Variants in CCSER1 observed in about 807,000 individuals in gnomAD.
CCSER1 encodes the protein serine-rich coiled-coil domain-containing protein 1.
In CCSER1, 41 loss-of-function variants were observed where a neutral mutation model predicts 82.0. That is an observed-to-expected ratio of 0.50 (90% CI 0.39 to 0.65). The LOEUF is 0.65. CCSER1 is among the 30% of genes least tolerant of loss of function. CCSER1 has a pLI of 0.00. For synonymous variants in CCSER1, 414 were observed against 383.9 expected (o/e 1.08, Z -0.92); for missense variants, 1,119 against 1,064.2 (o/e 1.05, Z -0.72).
In CCSER1 at chr4:91,326,464, A is replaced by T. The variant is rs143394817; in HGVS notation, c.2217+240470A>T. ...AACAGTAAGGGGGAAATCTGCCTTC[A>T]TGATCCAATCACCTCCCACCAGGCC... On this transcript the variant is annotated intron_variant, in intron 10 of 10. Coordinates refer to ENST00000509176, the MANE Select transcript of CCSER1 (RefSeq NM_001145065.2). Among the ~76,000 whole-genome samples the T allele has an allele frequency of 3.5e-4, 54 of 152,276 alleles. No individual in the cohort carries two copies. The East Asian group carries it at 0.01, about 29-fold the overall frequency.
At chr4:90,809,311 T>TACACACACAC (rs56677479) in intron 7 of CCSER1, among the ~76,000 whole-genome samples, 1 of 148,250 alleles carries the variant, frequency 6.7e-6, no homozygotes, top group Non-Finnish European at 1.5e-5. Flanking sequence ...AGCAAGATCA[T>TACACACACAC]ACACACACAC....
At chr4:90,864,360 A>G (rs903945284) in intron 8 of CCSER1, among the ~76,000 whole-genome samples, 2 of 152,024 alleles carry the variant, frequency 1.3e-5, no homozygotes, top group African/African-American at 4.8e-5. Flanking sequence ...AACAGTGTTG[A>G]CAGGTGGGAC....
intron 6 of CCSER1, among the ~76,000 whole-genome samples, chr4:90,703,988 T>C (rs1255075522): frequency 6.6e-6 from 1 of 152,200 alleles, no homozygotes; most frequent in Non-Finnish European, 1.5e-5. Flanking sequence ...AGGTTAGTAT[T>C]GTTATGTGTG....
intron 10 of CCSER1, among the ~76,000 whole-genome samples, chr4:91,443,067 A>C (rs1241420859): frequency 6.6e-6 from 1 of 152,162 alleles, no homozygotes; most frequent in East Asian, 1.9e-4. Flanking sequence ...CAGTGTGGTG[A>C]TTCCTCAGGG....
chr4:90,408,581 T>G (rs1754136357), intron 4 of CCSER1, among the ~76,000 whole-genome samples: 1 of 152,180 alleles, frequency 6.6e-6, no homozygotes, highest in South Asian at 2.1e-4. Flanking sequence ...TCCTGACTGC[T>G]AGAAGGAAAA....
At chr4:90,762,121 C>T (rs1750493263) in intron 7 of CCSER1, among the ~76,000 whole-genome samples, 1 of 152,098 alleles carries the variant, frequency 6.6e-6, no homozygotes, top group Admixed American at 6.6e-5. Context: ...TTCCCATAAT[C>T]CACACATGTC....
At chr4:90,662,729 G>T (rs1731053792) in intron 6 of CCSER1, among the ~76,000 whole-genome samples, 1 of 152,128 alleles carries the variant, frequency 6.6e-6, no homozygotes, top group Non-Finnish European at 1.5e-5. Context: ...TTTTGATAAA[G>T]AGGGTGTTAA....
chr4:91,227,728 G>A (rs1412410963), intron 10 of CCSER1, among the ~76,000 whole-genome samples: 1 of 151,378 alleles, frequency 6.6e-6, no homozygotes, highest in Non-Finnish European at 1.5e-5. Flanking sequence ...ATGTCCACGT[G>A]TACCCATTTA....
intron 10 of CCSER1, among the ~76,000 whole-genome samples, chr4:91,449,483 A>G (rs1175950489): frequency 2.6e-5 from 4 of 152,028 alleles, no homozygotes; most frequent in African/African-American, 9.7e-5. Context: ...CTCTCTCTCC[A>G]GTAAAATAAA....
intron 3 of CCSER1, among the ~76,000 whole-genome samples, chr4:90,368,755 A>G (rs964727509): frequency 6.6e-6 from 1 of 151,684 alleles, no homozygotes; most frequent in Admixed American, 6.6e-5. Flanking sequence ...TATCCATAGC[A>G]TCATATAAAT....
rs140295038 is a variant in CCSER1, at chr4:90,149,165, G to A, written c.-42+21334G>A. ...CATTTAATCATCACAATAACCTTAT[G>A]AAGTAGGTGATATTTTTCTTATTTT... is the stretch of plus-strand genomic sequence containing the variant. On this transcript the variant is annotated intron_variant, in intron 1 of 10. Transcript: ENST00000509176. Among the ~76,000 whole-genome samples, 984 of 152,198 alleles carry A rather than the reference G, an allele frequency of 6.5e-3. 5 individuals are homozygous for A. The highest frequency in any genetic ancestry group is 0.014 in the Middle Eastern group (4 of 292).
At chr4:90,751,040 G>T (rs890562464) in intron 7 of CCSER1, among the ~76,000 whole-genome samples, 2 of 151,952 alleles carry the variant, frequency 1.3e-5, no homozygotes, top group African/African-American at 4.8e-5. Flanking sequence ...TTTATTTCAT[G>T]AAAAGATTTA....
intron 10 of CCSER1, among the ~76,000 whole-genome samples, chr4:91,537,739 T>C (rs1392722535): frequency 6.6e-6 from 1 of 151,938 alleles, no homozygotes; most frequent in African/African-American, 2.4e-5. Flanking sequence ...AAATGAATCA[T>C]AAAGCTTTAC....
chr4:90,669,890 G>A (rs1468435271), intron 6 of CCSER1, among the ~76,000 whole-genome samples: 1 of 152,042 alleles, frequency 6.6e-6, no homozygotes. Context: ...TTTGCTTATT[G>A]TTGCAGATTA....
At chr4:91,463,960 C>T (rs748461974) in intron 10 of CCSER1, among the ~76,000 whole-genome samples, 7 of 152,138 alleles carry the variant, frequency 4.6e-5, no homozygotes, top group South Asian at 2.1e-4. Flanking sequence ...ACTTCCCCAA[C>T]CTAGCAAGGC....
intron 1 of CCSER1, among the ~76,000 whole-genome samples, chr4:90,179,718 T>G (rs1041094647): frequency 6.6e-6 from 1 of 152,206 alleles, no homozygotes; most frequent in Non-Finnish European, 1.5e-5. Context: ...TAGTTGTGGA[T>G]GTCCAGTAAC....
At chr4:90,548,339 C>T (rs1206755053) in intron 5 of CCSER1, among the ~76,000 whole-genome samples, 1 of 152,148 alleles carries the variant, frequency 6.6e-6, no homozygotes, top group Non-Finnish European at 1.5e-5. Flanking sequence ...GTGCACCACT[C>T]ATCCTTCAGC....
intron 5 of CCSER1, among the ~76,000 whole-genome samples, chr4:90,528,361 C>T (rs1257060164): frequency 6.6e-6 from 1 of 152,062 alleles, no homozygotes; most frequent in Non-Finnish European, 1.5e-5. Context: ...TTCTTTGCTG[C>T]CCCATCTTCT....
intron 5 of CCSER1, among the ~76,000 whole-genome samples, chr4:90,503,528 C>T (rs569548617): frequency 2.2e-4 from 33 of 152,218 alleles, no homozygotes; most frequent in Middle Eastern, 6.8e-3. Flanking sequence ...CGTCATTTAA[C>T]ATTAGGTATA....
Sources: allele counts gnomAD v4.1 joint callset (sites outside exome capture counted in the v4.1 genomes callset), GRCh38; gene constraint gnomAD v4.1.1; transcripts MANE v1.5; gene names NCBI Gene and HGNC (gene_info 2026-07-23, HGNC 2026-07-21).